Variants in C16orf82 observed in about 807,000 individuals in gnomAD.
C16orf82 encodes the protein chromosome 16 open reading frame 82.
For missense variants in C16orf82, 176 were observed against 206.1 expected, an observed-to-expected ratio of 0.85 and a Z score of 0.89; for synonymous variants, 82 against 85.5, an observed-to-expected ratio of 0.96 and a Z score of 0.22.
rs528545487 is a variant in C16orf82 at position 27,068,784 on chromosome 16, A to T, written c.*1324A>T. 15 of 166,714 alleles carry T rather than the reference A, an allele frequency of 9.0e-5. No individual in the cohort carries two copies. The South Asian group carries it at 2.7e-3, about 30-fold the overall frequency. 10.3% of individuals were successfully genotyped at this position (166,714 alleles called of 1,614,324 possible). On this transcript the variant is annotated 3_prime_UTR_variant, in exon 1 of 1. Coordinates refer to ENST00000505035, the MANE Select transcript of C16orf82 (RefSeq NM_001145545.2). ...TCAGCCCAGAATCTTCTCAGGAGCA[A>T]AGGCTTCCTGATGCCTCATTCATGT...
chr16:27,068,637 G>A lies in C16orf82; in HGVS notation c.*1177G>A, dbSNP rs1900436787. The A allele has an allele frequency of 6.0e-6, 1 of 166,976 alleles. No homozygotes were observed. Among genetic ancestry groups the A allele is most frequent in the South Asian group, 2.1e-4 (1 of 4,824 alleles). 10.3% of individuals were successfully genotyped at this position (166,976 alleles called of 1,614,324 possible). A position where few individuals can be genotyped will look rare whatever the true frequency, so the allele number is the denominator to read the frequency against. The stretch of plus-strand genomic sequence containing the variant: ...AGGTCTAGTGAGAACATTAGAGGGC[G>A]GTGTAAATGGATCCCCATGCCTGGG... On this transcript the variant is annotated 3_prime_UTR_variant, in exon 1 of 1. Coordinates refer to ENST00000505035, the MANE Select transcript of C16orf82 (RefSeq NM_001145545.2).
rs976779428 is a variant in C16orf82 at position 27,068,947 on chromosome 16, A to G, written c.*1487A>G. ...AACAGCTGCGATGGGGAAGCTCTGG[A>G]GCATTTTGTGAGCACCGTCTCGGTG... On this transcript the variant is annotated 3_prime_UTR_variant, in exon 1 of 1. Coordinates refer to ENST00000505035, the MANE Select transcript of C16orf82 (RefSeq NM_001145545.2). 1.8e-5 allele frequency: 3 copies of G among 166,712 alleles called. No individual in the cohort carries two copies. The highest frequency in any genetic ancestry group is 7.3e-5 in the African/African-American group (3 of 41,302). 10.3% of individuals were successfully genotyped at this position (166,712 alleles called of 1,614,324 possible).
In C16orf82 at chr16:27,067,512, C is replaced by A. The variant is rs1900412340; in HGVS notation, c.*52C>A. The A allele has an allele frequency of 2.4e-6, 3 of 1,231,624 alleles. No homozygotes were observed. In the South Asian group the frequency reaches 4.2e-5, roughly 17 times the overall value. The allele number at this position is 1,231,624 out of a possible 1,614,324, so 76.3% of individuals were successfully genotyped here. A position where few individuals can be genotyped will look rare whatever the true frequency, so the allele number is the denominator to read the frequency against. On this transcript the variant is annotated 3_prime_UTR_variant, in exon 1 of 1. Transcript: ENST00000505035. ...GCAGCAGCATCCTGTCCAGCGCCAGCTTCATCAGCTTGGGCAGCAGTGCCC... is the reference window on the plus strand; with the variant it reads ...GCAGCAGCATCCTGTCCAGCGCCAGATTCATCAGCTTGGGCAGCAGTGCCC...
rs1900418975 is a variant in C16orf82 at position 27,067,803 on chromosome 16, C to A, written c.*343C>A. 1 of 275,960 alleles carries A rather than the reference C, an allele frequency of 3.6e-6. No homozygotes were observed. The highest frequency in any genetic ancestry group is 2.2e-5 in the African/African-American group (1 of 45,078). The allele number at this position is 275,960 out of a possible 1,614,324, so 17.1% of individuals were successfully genotyped here. ...CCCAGAAAACAACACACAGGCCCAG[C>A]AAACACAGGCTGCACCCAGAGTGGA... On this transcript the variant is annotated 3_prime_UTR_variant, in exon 1 of 1. Transcript: ENST00000505035.
rs1382691344 is a variant in C16orf82, at chr16:27,067,067, G to T, written c.72G>T (p.Glu24Asp). 2.2e-6 allele frequency: 3 copies of T among 1,367,550 alleles called. No homozygotes were observed. The highest frequency in any genetic ancestry group is 9.8e-7 in the Non-Finnish European group (1 of 1,021,846). The allele number at this position is 1,367,550 out of a possible 1,614,324, so 84.7% of individuals were successfully genotyped here. A position where few individuals can be genotyped will look rare whatever the true frequency, so the allele number is the denominator to read the frequency against. ...AAGGGGAATCCTCTGTCCAGAATGA[G>T]CAGGAAGGAGAGCCAAGCCTACAGT... The change falls in exon 1 of 1, where the codon GAG becomes GAT. Residue 24 changes from glutamate to aspartate, a missense_variant. Transcript: ENST00000505035.
chr16:27,067,128 C>T lies in C16orf82; in HGVS notation c.133C>T (p.Arg45Cys), dbSNP rs569804581. 18 of 1,367,004 alleles carry T rather than the reference C, an allele frequency of 1.3e-5. No individual in the cohort carries two copies. The highest frequency in any genetic ancestry group is 2.1e-4 in the Middle Eastern group (1 of 4,768). 84.7% of individuals were successfully genotyped at this position (1,367,004 alleles called of 1,614,324 possible). A position where few individuals can be genotyped will look rare whatever the true frequency, so the allele number is the denominator to read the frequency against. Residue 45 changes from arginine to cysteine, a missense_variant, in exon 1 of 1, where the codon CGC becomes TGC. Transcript: ENST00000505035. ...AGAGCTCCAGTCCCCTGCGTGGCCA[C>T]GCCATGCAGGAGTGGCTCAGGAGCC...
chr16:27,068,235 G>A lies in C16orf82; in HGVS notation c.*775G>A, dbSNP rs962731741. ...GATGTTCTCGATGGCAAACGCTGAC[G>A]ATATTAAGAACTGTCACGAGTTAGA... On this transcript the variant is annotated 3_prime_UTR_variant, in exon 1 of 1. Coordinates refer to ENST00000505035, the MANE Select transcript of C16orf82 (RefSeq NM_001145545.2). The A allele has an allele frequency of 1.2e-5, 2 of 167,236 alleles. No individual in the cohort carries two copies. Among genetic ancestry groups the A allele is most frequent in the African/African-American group, 4.8e-5 (2 of 41,448 alleles). 10.4% of individuals were successfully genotyped at this position (167,236 alleles called of 1,614,324 possible). A position where few individuals can be genotyped will look rare whatever the true frequency, so the allele number is the denominator to read the frequency against.
In C16orf82 at chr16:27,067,300, T is replaced by C. The variant is rs538769755; in HGVS notation, c.305T>C (p.Leu102Ser). 2.2e-4 allele frequency: 304 copies of C among 1,360,814 alleles called. 2 individuals are homozygous for C. In the South Asian group the frequency reaches 3.4e-3, roughly 15 times the overall value. 84.3% of individuals were successfully genotyped at this position (1,360,814 alleles called of 1,614,324 possible). Residue 102 changes from leucine to serine, a missense_variant, in exon 1 of 1, where the codon TTG (leucine) becomes TCG (serine). Transcript: ENST00000505035. ...GACAAGGAGGGCAGCGACATCAGCT[T>C]GGTGGGCAGCCACCGGAGAGTGCGG...
rs1263066585 is a variant in C16orf82 at position 27,067,252 on chromosome 16, G to C, written c.257G>C (p.Ser86Thr). 1 of 1,365,876 alleles carries C rather than the reference G, an allele frequency of 7.3e-7. No homozygotes were observed. Among genetic ancestry groups the C allele is most frequent in the East Asian group, 4.6e-5 (1 of 21,912 alleles). The allele number at this position is 1,365,876 out of a possible 1,614,324, so 84.6% of individuals were successfully genotyped here. ...AGGCCAGAGGAGGGCAGCCATGCCA[G>C]CCTGAGCAGCGGGTACGCAGGGGAC... Residue 86 changes from serine (S) to threonine (T), a missense_variant, in exon 1 of 1, where the codon AGC becomes ACC. Ser to Thr is a moderately conservative substitution (Grantham distance 58). Transcript: ENST00000505035.
At position 27,067,472 on chromosome 16, in the gene C16orf82, C is replaced by CCGGAAG; in HGVS notation, c.*15_*16insAAGCGG. The stretch of plus-strand genomic sequence containing the variant: ...GAGGGAAAGAGTGAGGCCAGCCTGC[C>CCGGAAG]CGGCAGCGGCAGCGGCAGCAGCATC... On this transcript the variant is annotated 3_prime_UTR_variant, in exon 1 of 1. Coordinates refer to ENST00000505035, the MANE Select transcript of C16orf82 (RefSeq NM_001145545.2). The CCGGAAG allele has an allele frequency of 7.7e-7, 1 of 1,299,264 alleles. No individual in the cohort carries two copies. Among genetic ancestry groups the CCGGAAG allele is most frequent in the Non-Finnish European group, 1.0e-6 (1 of 989,538 alleles). The allele number at this position is 1,299,264 out of a possible 1,614,324, so 80.5% of individuals were successfully genotyped here.
At position 27,068,649 on chromosome 16, in the gene C16orf82, T is replaced by A. The variant is rs1207881827; in HGVS notation, c.*1189T>A. The A allele has an allele frequency of 6.0e-6, 1 of 166,304 alleles. No individual in the cohort carries two copies. The highest frequency in any genetic ancestry group is 1.5e-5 in the Non-Finnish European group (1 of 68,094). The allele number at this position is 166,304 out of a possible 1,614,324, so 10.3% of individuals were successfully genotyped here. On this transcript the variant is annotated 3_prime_UTR_variant, in exon 1 of 1. Coordinates refer to ENST00000505035, the MANE Select transcript of C16orf82 (RefSeq NM_001145545.2). ...AACATTAGAGGGCGGTGTAAATGGA[T>A]CCCCATGCCTGGGCACCTGTAATCC... is the stretch of plus-strand genomic sequence containing the variant.
In C16orf82 at chr16:27,066,990, C is replaced by G; in HGVS notation, c.-6C>G. 7.3e-7 allele frequency: 1 copy of G among 1,366,798 alleles called. No homozygotes were observed. The highest frequency in any genetic ancestry group is 9.8e-7 in the Non-Finnish European group (1 of 1,021,050). The allele number at this position is 1,366,798 out of a possible 1,614,324, so 84.7% of individuals were successfully genotyped here. On this transcript the variant is annotated 5_prime_UTR_variant, in exon 1 of 1. Coordinates refer to ENST00000505035, the MANE Select transcript of C16orf82 (RefSeq NM_001145545.2). ...ACATTCAGAGGCCTCCCAGGGCCCC[C>G]TCTCCCTGGATAAACCACTTCAGCT...
rs751530973 is a variant in C16orf82 at position 27,067,451 on chromosome 16, G to GA, written c.459dup (p.Glu154ArgfsTer33). 6.8e-6 allele frequency: 9 copies of GA among 1,323,994 alleles called. No homozygotes were observed. In the South Asian group the frequency reaches 1.1e-4, roughly 16 times the overall value. The allele number at this position is 1,323,994 out of a possible 1,614,324, so 82.0% of individuals were successfully genotyped here. ...CCCACAGCACCAAGCAGACTGGAGG[G>GA]AAAGAGTGAGGCCAGCCTGCCCGGC... is the stretch of plus-strand genomic sequence containing the variant. On this transcript the variant is annotated frameshift_variant, in exon 1 of 1. Transcript: ENST00000505035. LOFTEE classifies it high-confidence loss of function.
Position 27,067,167 on chromosome 16 carries a change from A to C in C16orf82, c.172A>C (p.Ser58Arg). ...GGCTCAGGAGCCCCTGAAAGTGTCC[A>C]GCAGCTACCTCAGTGACACCCAGAG... is the stretch of plus-strand genomic sequence containing the variant. Residue 58 changes from serine to arginine, a missense_variant, in exon 1 of 1, where the codon AGC (serine) becomes CGC (arginine). By Grantham distance (110) the Ser-to-Arg change is moderately radical. Transcript: ENST00000505035. 1 of 1,366,660 alleles carries C rather than the reference A, an allele frequency of 7.3e-7. No individual in the cohort carries two copies. Among genetic ancestry groups the C allele is most frequent in the Non-Finnish European group, 9.8e-7 (1 of 1,021,410 alleles). 84.7% of individuals were successfully genotyped at this position (1,366,660 alleles called of 1,614,324 possible).
chr16:27,068,887 A>G lies in C16orf82; in HGVS notation c.*1427A>G, dbSNP rs896351189. 1.2e-5 allele frequency: 2 copies of G among 167,032 alleles called. No individual in the cohort carries two copies. Among genetic ancestry groups the G allele is most frequent in the Admixed American group, 6.5e-5 (1 of 15,296 alleles). The allele number at this position is 167,032 out of a possible 1,614,324, so 10.3% of individuals were successfully genotyped here. ...ACGATGGCAGGACAATGCCGTGAGA[A>G]GCACTTCATGGTGACAGAGCCCAAC... is the stretch of plus-strand genomic sequence containing the variant. On this transcript the variant is annotated 3_prime_UTR_variant, in exon 1 of 1. Coordinates refer to ENST00000505035, the MANE Select transcript of C16orf82 (RefSeq NM_001145545.2).
Position 27,067,440 on chromosome 16 carries a change from C to G in C16orf82, c.445C>G (p.Gln149Glu), listed in dbSNP as rs896806060. 7.5e-7 allele frequency: 1 copy of G among 1,330,068 alleles called. No homozygotes were observed. The highest frequency in any genetic ancestry group is 1.0e-6 in the Non-Finnish European group (1 of 1,004,506). The allele number at this position is 1,330,068 out of a possible 1,614,324, so 82.4% of individuals were successfully genotyped here. ...GACTGGCCCCGCCCACAGCACCAAGCAGACTGGAGGGAAAGAGTGAGGCCA... is the reference window on the plus strand; with the variant it reads ...GACTGGCCCCGCCCACAGCACCAAGGAGACTGGAGGGAAAGAGTGAGGCCA... Residue 149 changes from glutamine (Q) to glutamate (E), a missense_variant, in exon 1 of 1, where the codon CAG becomes GAG. Physicochemically the swap from Gln to Glu is conservative, Grantham distance 29 (BLOSUM62 2). Transcript: ENST00000505035.
chr16:27,067,141 T>C lies in C16orf82; in HGVS notation c.146T>C (p.Val49Ala), dbSNP rs114324679. 3.4e-3 allele frequency: 4,639 copies of C among 1,366,286 alleles called. 120 individuals are homozygous for C. In the African/African-American group the frequency reaches 0.058, roughly 17 times the overall value. The allele number at this position is 1,366,286 out of a possible 1,614,324, so 84.6% of individuals were successfully genotyped here. The stretch of plus-strand genomic sequence containing the variant: ...CCTGCGTGGCCACGCCATGCAGGAG[T>C]GGCTCAGGAGCCCCTGAAAGTGTCC... The change falls in exon 1 of 1, where the codon GTG becomes GCG. Residue 49 changes from valine (V) to alanine (A), a missense_variant. Transcript: ENST00000505035.
At position 27,068,075 on chromosome 16, in the gene C16orf82, A is replaced by T. The variant is rs909649381; in HGVS notation, c.*615A>T. The T allele has an allele frequency of 5.9e-6, 1 of 168,394 alleles. No homozygotes were observed. The highest frequency in any genetic ancestry group is 2.4e-5 in the African/African-American group (1 of 41,366). 10.4% of individuals were successfully genotyped at this position (168,394 alleles called of 1,614,324 possible). ...CAATGCTGAGTCCACCTGTGTCAAA[A>T]CAGCGAAGAGTAATGACATCGACTG... On this transcript the variant is annotated 3_prime_UTR_variant, in exon 1 of 1. Transcript: ENST00000505035.
Position 27,067,929 on chromosome 16 carries a change from G to A in C16orf82, c.*469G>A. 4.5e-6 allele frequency: 1 copy of A among 224,280 alleles called. No homozygotes were observed. Among genetic ancestry groups the A allele is most frequent in the East Asian group, 1.2e-4 (1 of 8,144 alleles). 13.9% of individuals were successfully genotyped at this position (224,280 alleles called of 1,614,324 possible). A position where few individuals can be genotyped will look rare whatever the true frequency, so the allele number is the denominator to read the frequency against. On this transcript the variant is annotated 3_prime_UTR_variant, in exon 1 of 1. Coordinates refer to ENST00000505035, the MANE Select transcript of C16orf82 (RefSeq NM_001145545.2). Reference sequence around the variant, plus strand: ...TTGTAGCAACAAGCATCAGTGGGCAGGCCACATGTAGCAGGAAGGATCTAT... The same window carrying A: ...TTGTAGCAACAAGCATCAGTGGGCAAGCCACATGTAGCAGGAAGGATCTAT...
Sources: gnomAD v4.1 joint callset for allele counts on GRCh38, gnomAD v4.1.1 for gene constraint, MANE v1.5 for transcripts, NCBI Gene and HGNC (gene_info 2026-07-23, HGNC 2026-07-21) for gene names.